The following RNF166 variants were observed in gnomAD, a reference collection of about 807,000 sequenced individuals.
RNF166 encodes E3 ubiquitin-protein ligase RNF166.
A neutral mutation model predicts 29.4 loss-of-function variants in RNF166; 19 were observed. The observed-to-expected ratio is 0.65, with a 90% CI of 0.45 to 0.95. The LOEUF (loss-of-function observed/expected upper bound fraction) is 0.95. Among genes scored for constraint, RNF166 ranks in the 40% least tolerant of loss-of-function variants. The pLI, the probability that RNF166 is intolerant of heterozygous loss-of-function variation, is 0.00. For missense variants in RNF166, 347 were observed against 322.1 expected (o/e 1.08, Z -0.59); for synonymous variants, 171 against 134.5 (o/e 1.27, Z -1.88).
intron 3 of RNF166, 69 bp from the exon 4 acceptor site, chr16:88,699,154 A>C (rs1567635548): frequency 3.6e-6 from 4 of 1,124,588 alleles, no homozygotes; most frequent in Non-Finnish European, 5.3e-6. Flanking sequence ...CGCTTCTCTC[A>C]AACACAGGCG....
At chr16:88,702,149 C>G (rs920910745) in intron 1 of RNF166, among the ~76,000 whole-genome samples, 1 of 6,250 alleles carries the variant, frequency 1.6e-4, no homozygotes, top group Non-Finnish European at 4.9e-4. Flanking sequence ...CTTGGGCTCG[C>G]ACACCCTCCC....
chr16:88,700,896 T>G (rs1482650107), intron 2 of RNF166: 1 of 1,133,382 alleles, frequency 8.8e-7, no homozygotes, highest in African/African-American at 1.7e-5. Flanking sequence ...CCTTGTGACC[T>G]TGGAGCCCCC....
chr16:88,702,679 C>A (rs1910373490), intron 1 of RNF166: 1 of 984,502 alleles, frequency 1.0e-6, no homozygotes, highest in South Asian at 4.7e-5. Context: ...CCACATGAAA[C>A]TTCGTGTGAG....
In RNF166 at chr16:88,699,658, C is replaced by T. The variant is rs1187628629; in HGVS notation, c.387G>A (p.Lys129=). The T allele has an allele frequency of 1.2e-5, 19 of 1,613,416 alleles. No individual in the cohort carries two copies. The highest frequency in any genetic ancestry group is 1.5e-5 in the Non-Finnish European group (18 of 1,179,900). ...GTGATGTGGGCACCACGGGGACGAA[C>T]TTGGGGCAGTTGGCCATCTGCTCCT... ...KVQEQMANCP[K]FVPVVPTSQP... Residue 129 remains lysine, a synonymous_variant, in exon 3 of 6, where the codon AAG becomes AAA. Transcript: ENST00000312838.
intron 1 of RNF166, chr16:88,703,977 G>C: frequency 1.0e-6 from 1 of 985,452 alleles, no homozygotes; most frequent in Non-Finnish European, 1.2e-6. Flanking sequence ...CAGGCTTCTG[G>C]TTACAGAGGT....
rs1597399025 is a variant in RNF166, at chr16:88,696,925, C to G, written c.*643G>C. ...GCCCCACTGCTCCTTCCATCCTTGC[C>G]CCAATCCCCCAATGCTTGTTTTGAT... On this transcript the variant is annotated 3_prime_UTR_variant, in exon 6 of 6. Coordinates refer to ENST00000312838, the MANE Select transcript of RNF166 (RefSeq NM_178841.4). 1 of 211,602 alleles carries G rather than the reference C, an allele frequency of 4.7e-6. No homozygotes were observed. The highest frequency in any genetic ancestry group is 5.6e-5 in the Admixed American group (1 of 17,716). 13.1% of individuals were successfully genotyped at this position (211,602 alleles called of 1,614,324 possible). A position where few individuals can be genotyped will look rare whatever the true frequency, so the allele number is the denominator to read the frequency against.
intron 5 of RNF166, chr16:88,697,922 G>C: frequency 2.1e-6 from 1 of 487,268 alleles, no homozygotes; most frequent in East Asian, 3.6e-5. Flanking sequence ...AGGCCGGCCA[G>C]GGCTCCCTGA....
chr16:88,697,619 G>C lies in RNF166; in HGVS notation c.663C>G (p.Asp221Glu). 5 of 1,552,108 alleles carry C rather than the reference G, an allele frequency of 3.2e-6. No individual in the cohort carries two copies. The highest frequency in any genetic ancestry group is 2.4e-5 in the East Asian group (1 of 41,136). ...GAGCAGCCTGGAAGGCGGCCTCCTC[G>C]TCAATACTGTAGTCCTGGAGACAGG... ...SYDTFVDYSIDEEAAFQAALA... is the reference protein window; with the variant it reads ...SYDTFVDYSIEEEAAFQAALA... Residue 221 changes from aspartate (D) to glutamate (E), a missense_variant, in exon 6 of 6, where the codon GAC (aspartate) becomes GAG (glutamate). By Grantham distance (45) the Asp-to-Glu change is conservative (BLOSUM62 2). Transcript: ENST00000312838.
chr16:88,701,309 T>A lies in RNF166; in HGVS notation c.265A>T (p.Lys89Ter). 6.2e-7 allele frequency: 1 copy of A among 1,613,712 alleles called. No individual in the cohort carries two copies. ...KKVDKATHVE[K>*]QLSSYKAPCR... ...GGCGCTTTGTAGGATGAGAGCTGCTTCTCCACGTGGGTGGCCTTGTCCACC... is the reference window on the plus strand; with the variant it reads ...GGCGCTTTGTAGGATGAGAGCTGCTACTCCACGTGGGTGGCCTTGTCCACC... Residue 89 changes from lysine to a stop codon, truncating the protein, a stop_gained, in exon 2 of 6, where the codon AAG becomes TAG. Transcript: ENST00000312838. LOFTEE classifies it high-confidence loss of function.
chr16:88,697,656 C>T lies in RNF166; in HGVS notation c.649-23G>A, dbSNP rs150749938. 6.2e-5 allele frequency: 96 copies of T among 1,536,408 alleles called. No homozygotes were observed. The African/African-American group carries it at 1.1e-3, about 17-fold the overall frequency. On this transcript the variant is annotated intron_variant, in intron 5 of 5. Coordinates refer to ENST00000312838, the MANE Select transcript of RNF166 (RefSeq NM_178841.4). ...GTCCTGGAGACAGGAAGGAGAGATG[C>T]ACCGGGCTCGAGGGAGACAGGAAGG...
chr16:88,703,527 G>A, intron 1 of RNF166: 1 of 985,386 alleles, frequency 1.0e-6, no homozygotes, highest in Middle Eastern at 5.2e-4. Flanking sequence ...AGGAGCAGGA[G>A]GCAGAACGAG....
At chr16:88,703,870 C>A (rs1301376478) in intron 1 of RNF166, 28 of 985,342 alleles carry the variant, frequency 2.8e-5, no homozygotes, top group Non-Finnish European at 3.4e-5. Context: ...GGCTGGCAGG[C>A]CAGCACCCTC....
intron 1 of RNF166, among the ~76,000 whole-genome samples, chr16:88,701,883 G>C (rs1050916457): frequency 6.6e-6 from 1 of 152,246 alleles, no homozygotes; most frequent in Non-Finnish European, 1.5e-5. Context: ...CCAGGCCCCA[G>C]GGGCTCCAGA....
At chr16:88,703,780 C>G (rs570402292) in intron 1 of RNF166, 4 of 985,456 alleles carry the variant, frequency 4.1e-6, no homozygotes, top group South Asian at 4.7e-5. Flanking sequence ...AGCAGGCACC[C>G]GGGACTGCCA....
intron 1 of RNF166, among the ~76,000 whole-genome samples, chr16:88,704,806 A>G (rs1001452762): frequency 9.2e-5 from 14 of 152,202 alleles, no homozygotes; most frequent in African/African-American, 3.1e-4. Flanking sequence ...CCTGGCCAAC[A>G]TGGTGAAACC....
chr16:88,702,781 A>G lies in RNF166; in HGVS notation c.156-1363T>C, dbSNP rs1438737973. On this transcript the variant is annotated intron_variant, in intron 1 of 5. Coordinates refer to ENST00000312838, the MANE Select transcript of RNF166 (RefSeq NM_178841.4). ...TCGCTCACTTTACCCACCTCACCCG[A>G]GTTCTCACCAGGCGCCCCAGCAGAT... The G allele has an allele frequency of 4.1e-6, 4 of 985,298 alleles. No homozygotes were observed. The African/African-American group carries it at 7.0e-5, about 17-fold the overall frequency. The allele number at this position is 985,298 out of a possible 1,614,324, so 61.0% of individuals were successfully genotyped here.
At chr16:88,699,190 C>T (rs1909953378) in intron 3 of RNF166, 105 bp from the exon 4 acceptor site, 1 of 844,316 alleles carries the variant, frequency 1.2e-6, no homozygotes, top group Non-Finnish European at 1.9e-6. Flanking sequence ...CCTCTGTAGG[C>T]TGCAAGAGCG....
intron 1 of RNF166, chr16:88,703,789 C>G: frequency 1.0e-6 from 1 of 985,458 alleles, no homozygotes; most frequent in Non-Finnish European, 1.2e-6. Context: ...CCGGGACTGC[C>G]AATGTGTCTC....
At chr16:88,698,638 C>T in intron 4 of RNF166, 29 bp from the exon 5 acceptor site, 1 of 1,470,882 alleles carries the variant, frequency 6.8e-7, no homozygotes, top group African/African-American at 1.4e-5. Context: ...TCAAGCCGAG[C>T]CGGACCGCGG....
Sources: gnomAD v4.1 joint callset for allele counts (sites outside exome capture counted in the v4.1 genomes callset) on GRCh38, gnomAD v4.1.1 for gene constraint, MANE v1.5 for transcripts, NCBI Gene and HGNC (gene_info 2026-07-23, HGNC 2026-07-21) for gene names.